The following SDF4 variants were observed in gnomAD, a reference collection of about 807,000 sequenced individuals.
SDF4 encodes 45 kDa calcium-binding protein.
SDF4 carries 22 observed loss-of-function variants against 34.2 expected under a neutral mutation model. The ratio of observed to expected loss-of-function variants is 0.64; its 90% CI spans 0.46 to 0.92. SDF4 has a LOEUF of 0.92. Among genes scored for constraint, SDF4 ranks in the 40% least tolerant of loss-of-function variants. SDF4 has a pLI of 0.00. For synonymous variants in SDF4, 236 were observed against 203.1 expected (o/e 1.16, Z -1.38); for missense variants, 447 against 499.9 (o/e 0.89, Z 1.01).
In SDF4 at chr1:1,228,763, T is replaced by A. The variant is rs753286326; in HGVS notation, c.10A>T (p.Arg4Trp). 6.2e-7 allele frequency: 1 copy of A among 1,609,032 alleles called. No individual in the cohort carries two copies. Among genetic ancestry groups the A allele is most frequent in the East Asian group, 2.2e-5 (1 of 44,762 alleles). ...GCCAGGCCAATGAGGGGACCCCACC[T>A]GGACGCCATCGCCACCCAGGGCCAG... Reference protein sequence around the residue: MASRWGPLIGLAPC... With the variant: MASWWGPLIGLAPC... Residue 4 changes from arginine to tryptophan, a missense_variant, in exon 2 of 7, where the codon AGG becomes TGG. Coordinates refer to ENST00000360001, the MANE Select transcript of SDF4 (RefSeq NM_016176.6).
rs375458347 is a variant in SDF4, at chr1:1,228,462, A to C, written c.305+6T>G. 1 of 1,596,158 alleles carries C rather than the reference A, an allele frequency of 6.3e-7. No individual in the cohort carries two copies. Among genetic ancestry groups the C allele is most frequent in the African/African-American group, 1.3e-5 (1 of 74,560 alleles). ...CCCCCCAGTCTGGGCACATGGCGGC[A>C]CCTACTTGGAAAAGATGACCATCAG... On this transcript the variant is annotated splice_donor_region_variant and intron_variant, in intron 2 of 6. Transcript: ENST00000360001.
chr1:1,228,271 G>T (rs1037859979), intron 2 of SDF4, among the ~76,000 whole-genome samples, 197 bp downstream of exon 2: 64 of 152,364 alleles, frequency 4.2e-4, no homozygotes, highest in African/African-American at 1.5e-3. Context: ...GGCATTCAAG[G>T]AGCGGCTCTG....
At position 1,217,544 on chromosome 1, in the gene SDF4, C is replaced by T. The variant is rs757068796; in HGVS notation, c.1036G>A (p.Asp346Asn). Residue 346 changes from aspartate to asparagine, a missense_variant, in exon 7 of 7, where the codon GAC becomes AAC. Coordinates refer to ENST00000360001, the MANE Select transcript of SDF4 (RefSeq NM_016176.6). This position sits in a 1 kb window ranked among gnomAD's most constrained non-coding sequence, Gnocchi z 8.5. Reference protein sequence around the residue: ...SEFFTGSKLVDYARSVHEEF With the variant: ...SEFFTGSKLVNYARSVHEEF The stretch of plus-strand genomic sequence containing the variant: ...TCCTCGTGCACGCTGCGCGCGTAGT[C>T]CACCAGCTTGCTGCCCGTGAAGAAC... 2 of 1,612,738 alleles carry T rather than the reference C, an allele frequency of 1.2e-6. No homozygotes were observed. The highest frequency in any genetic ancestry group is 1.7e-6 in the Non-Finnish European group (2 of 1,179,634).
rs542102086 is a variant in SDF4 at position 1,217,790 on chromosome 1, G to T, written c.892-102C>A. ...TTAAGGTGCCTATTGGCTGCAGCGG[G>T]AGTGTGGGCACGTTCTGGAAGGTTC... On this transcript the variant is annotated intron_variant, in intron 6 of 6. Transcript: ENST00000360001. This position sits in a 1 kb window ranked among gnomAD's most constrained non-coding sequence, Gnocchi z 8.5. The T allele has an allele frequency of 5.0e-6, 8 of 1,590,122 alleles. No homozygotes were observed. The South Asian group carries it at 8.9e-5, about 18-fold the overall frequency.
intron 1 of SDF4, among the ~76,000 whole-genome samples, chr1:1,231,259 C>T (rs1292082628): frequency 4.6e-5 from 7 of 152,236 alleles, no homozygotes; most frequent in African/African-American, 1.4e-4. Context: ...ACTTCGCCAT[C>T]CCCTAGCAGC....
intron 4 of SDF4, chr1:1,220,923 G>A: frequency 2.5e-6 from 1 of 403,400 alleles, no homozygotes; most frequent in South Asian, 1.9e-5. Flanking sequence ...CGTGTGTGGG[G>A]AGGAAAATGT....
chr1:1,220,991 G>C, intron 4 of SDF4: 5 of 352,996 alleles, frequency 1.4e-5, no homozygotes, highest in South Asian at 1.1e-4. Context: ...ACTGGGGCTT[G>C]TGCCTGTAAT....
At position 1,217,780 on chromosome 1, in the gene SDF4, G is replaced by T; in HGVS notation, c.892-92C>A. 6.3e-7 allele frequency: 1 copy of T among 1,596,374 alleles called. No individual in the cohort carries two copies. Reference sequence around the variant, plus strand: ...AAGTGGCTATTTAAGGTGCCTATTGGCTGCAGCGGGAGTGTGGGCACGTTC... The same window carrying T: ...AAGTGGCTATTTAAGGTGCCTATTGTCTGCAGCGGGAGTGTGGGCACGTTC... On this transcript the variant is annotated intron_variant, in intron 6 of 6. Coordinates refer to ENST00000360001, the MANE Select transcript of SDF4 (RefSeq NM_016176.6). This position sits in a 1 kb window ranked among gnomAD's most constrained non-coding sequence, Gnocchi z 8.5.
intron 2 of SDF4, among the ~76,000 whole-genome samples, chr1:1,225,524 G>A (rs549696804): frequency 2.6e-5 from 4 of 152,290 alleles, no homozygotes; most frequent in Middle Eastern, 3.4e-3. Flanking sequence ...CTCAGCAGCC[G>A]CAGCAGCCCA....
At chr1:1,222,504 C>G (rs889428827) in intron 4 of SDF4, among the ~76,000 whole-genome samples, 2 of 152,224 alleles carry the variant, frequency 1.3e-5, no homozygotes, top group Non-Finnish European at 2.9e-5. Context: ...CCTGACCGCT[C>G]TCTGGTGACC....
intron 2 of SDF4, 95 bp downstream of exon 2, chr1:1,228,373 G>C: frequency 7.4e-7 from 1 of 1,349,918 alleles, no homozygotes; most frequent in Non-Finnish European, 9.9e-7. Flanking sequence ...TCCCGACACA[G>C]GGCCCGGCGC....
At chr1:1,220,745 C>A (rs1372262523) in intron 4 of SDF4, 1 of 1,289,086 alleles carries the variant, frequency 7.8e-7, no homozygotes, top group Non-Finnish European at 1.0e-6. Flanking sequence ...GCAGAAAAGA[C>A]CCAAATAAAG....
Position 1,217,906 on chromosome 1 carries a change from A to C in SDF4, c.892-218T>G, listed in dbSNP as rs1360070705. 1 of 1,297,750 alleles carries C rather than the reference A, an allele frequency of 7.7e-7. No individual in the cohort carries two copies. 80.4% of individuals were successfully genotyped at this position (1,297,750 alleles called of 1,614,324 possible). The stretch of plus-strand genomic sequence containing the variant: ...CCGGGGCCAGCAGGGGTAACGGGGC[A>C]CAGGGGCTACACAGGCCTGGACCCC... On this transcript the variant is annotated intron_variant, in intron 6 of 6. Coordinates refer to ENST00000360001, the MANE Select transcript of SDF4 (RefSeq NM_016176.6). The surrounding 1 kb of genome is among the most constrained non-coding windows in gnomAD (Gnocchi z 8.5).
Position 1,217,416 on chromosome 1 carries a change from G to A in SDF4, c.*96C>T. ...TCGGTCGGCCGGTGGCGGGCGGCAG[G>A]GAAGAGGTGGGGTCCGGGACAGCCA... On this transcript the variant is annotated 3_prime_UTR_variant, in exon 7 of 7. Transcript: ENST00000360001. This position sits in a 1 kb window ranked among gnomAD's most constrained non-coding sequence, Gnocchi z 8.5. The A allele has an allele frequency of 9.0e-7, 1 of 1,107,364 alleles. No homozygotes were observed. Among genetic ancestry groups the A allele is most frequent in the Non-Finnish European group, 1.2e-6 (1 of 860,250 alleles). 68.6% of individuals were successfully genotyped at this position (1,107,364 alleles called of 1,614,324 possible).
chr1:1,220,986 G>T, intron 4 of SDF4: 1 of 353,970 alleles, frequency 2.8e-6, no homozygotes, highest in Non-Finnish European at 5.6e-6. Context: ...CGGGCACTGG[G>T]GCTTGTGCCT....
At chr1:1,219,565 T>C (rs377556690) in intron 4 of SDF4, 2 of 989,344 alleles carry the variant, frequency 2.0e-6, no homozygotes, top group African/African-American at 3.5e-5. Flanking sequence ...TGACTGAGAC[T>C]GGGGCTGAGC....
chr1:1,222,308 T>G (rs1357955457), intron 4 of SDF4, among the ~76,000 whole-genome samples: 1 of 152,142 alleles, frequency 6.6e-6, no homozygotes, highest in Non-Finnish European at 1.5e-5. Context: ...CCTGGACGGC[T>G]CTCCCAGACC....
chr1:1,219,964 C>T, intron 4 of SDF4: 2 of 985,778 alleles, frequency 2.0e-6, no homozygotes, highest in Non-Finnish European at 2.4e-6. Flanking sequence ...TAAAGGAAGA[C>T]AGGAGTGACG....
intron 1 of SDF4, 49 bp from the exon 2 acceptor site, chr1:1,228,995 C>T: frequency 3.4e-6 from 2 of 584,784 alleles, no homozygotes; most frequent in Non-Finnish European, 3.0e-6. Context: ...CAAAGACTTC[C>T]CCAAGCACGT....
Sources: allele counts gnomAD v4.1 joint callset (sites outside exome capture counted in the v4.1 genomes callset), GRCh38; gene constraint gnomAD v4.1.1; non-coding constraint Gnocchi (gnomAD v3.1); transcripts MANE v1.5; gene names NCBI Gene and HGNC (gene_info 2026-07-23, HGNC 2026-07-21).